Variants in PARN observed in about 807,000 individuals in gnomAD.
PARN encodes the protein poly(A)-specific ribonuclease.
In PARN, 71 loss-of-function variants were observed where a neutral mutation model predicts 102.8. The ratio of observed to expected loss-of-function variants is 0.69; its 90% CI spans 0.57 to 0.84. The LOEUF (loss-of-function observed/expected upper bound fraction) is 0.84, where lower values mean the gene tolerates loss of function less well. Ranked by LOEUF, PARN falls within the 40% of genes least tolerant of loss-of-function variation. The pLI is 0.00. For missense variants in PARN, 782 were observed against 760.9 expected, an observed-to-expected ratio of 1.03 and a Z score of -0.33; for synonymous variants, 261 against 252.9, an observed-to-expected ratio of 1.03 and a Z score of -0.30.
Position 14,599,946 on chromosome 16 carries a change from A to T in PARN, c.798T>A (p.Asp266Glu). 6.3e-7 allele frequency: 1 copy of T among 1,595,814 alleles called. No homozygotes were observed. The highest frequency in any genetic ancestry group is 8.6e-7 in the Non-Finnish European group (1 of 1,167,112). Reference protein sequence around the residue: ...KHAKEQEELNDAVGFSRVIHA... With the variant: ...KHAKEQEELNEAVGFSRVIHA... ...GAATGACTCTAGAAAATCCCACAGC[A>T]TCATTCAGCTCCTCCTAATTAAAAA... Residue 266 changes from aspartate (D) to glutamate (E), a missense_variant, in exon 12 of 24, where the codon GAT (aspartate) becomes GAA (glutamate). Coordinates refer to ENST00000437198, the MANE Select transcript of PARN (RefSeq NM_002582.4).
At chr16:14,443,912 C>A (rs1961072480) in intron 23 of PARN, among the ~76,000 whole-genome samples, 1 of 152,162 alleles carries the variant, frequency 6.6e-6, no homozygotes. Context: ...TTGGGTTGGA[C>A]AGACTTTGTC....
At chr16:14,464,007 T>G (rs1962169531) in intron 22 of PARN, among the ~76,000 whole-genome samples, 1 of 152,020 alleles carries the variant, frequency 6.6e-6, no homozygotes, top group African/African-American at 2.4e-5. Context: ...CTAATTTTTT[T>G]GTGTGTGTAT....
At chr16:14,569,750 A>T (rs1342887896) in intron 18 of PARN, among the ~76,000 whole-genome samples, 1 of 152,170 alleles carries the variant, frequency 6.6e-6, no homozygotes, top group Non-Finnish European at 1.5e-5. Context: ...GACAGATTAG[A>T]GGTAACCAGG....
chr16:14,558,269 C>T (rs1967827902), intron 18 of PARN: 1 of 151,924 alleles, frequency 6.6e-6, no homozygotes, highest in Middle Eastern at 3.1e-3. Flanking sequence ...CCTGTCTCTA[C>T]TAAAAATACA....
chr16:14,462,852 A>G (rs549024231), intron 22 of PARN, among the ~76,000 whole-genome samples: 1 of 152,338 alleles, frequency 6.6e-6, no homozygotes, highest in Admixed American at 6.5e-5. Context: ...GACAAAATAC[A>G]TGAAACAATG....
chr16:14,619,846 C>T (rs1206195612), intron 5 of PARN, among the ~76,000 whole-genome samples: 1 of 151,082 alleles, frequency 6.6e-6, no homozygotes, highest in Non-Finnish European at 1.5e-5. Flanking sequence ...CTGAGGCAGG[C>T]GGATCAAGAG....
At chr16:14,601,497 A>C (rs1970863183) in intron 11 of PARN, among the ~76,000 whole-genome samples, 1 of 152,224 alleles carries the variant, frequency 6.6e-6, no homozygotes. Flanking sequence ...CGGTTTTGCA[A>C]GATGAAGAGA....
intron 21 of PARN, among the ~76,000 whole-genome samples, chr16:14,510,112 T>C (rs2151636421): frequency 6.6e-6 from 1 of 152,306 alleles, no homozygotes; most frequent in East Asian, 1.9e-4. Context: ...CTACTGGGTG[T>C]TGCTGCCAGG....
At chr16:14,554,019 A>T (rs1967495187) in intron 20 of PARN, 46 bp downstream of exon 20, 1 of 1,276,418 alleles carries the variant, frequency 7.8e-7, no homozygotes, top group South Asian at 1.3e-5. Context: ...ACCTATACCA[A>T]ATGAATAGCA....
intron 20 of PARN, among the ~76,000 whole-genome samples, chr16:14,553,554 A>G (rs1455521783): frequency 6.6e-6 from 1 of 152,188 alleles, no homozygotes; most frequent in Non-Finnish European, 1.5e-5. Context: ...TGGGTTTACA[A>G]TCAGAATGGT....
intron 20 of PARN, 107 bp downstream of exon 20, chr16:14,553,958 A>C (rs1371987182): frequency 1.5e-6 from 1 of 684,566 alleles, no homozygotes; most frequent in African/African-American, 1.8e-5. Flanking sequence ...AAAACCTTGA[A>C]TATTAACATT....
intron 21 of PARN, among the ~76,000 whole-genome samples, chr16:14,508,425 A>C (rs1965007888): frequency 6.6e-6 from 1 of 152,130 alleles, no homozygotes; most frequent in South Asian, 2.1e-4. Context: ...TAAAAATAAA[A>C]GATAAAACGT....
At chr16:14,487,711 T>A (rs1222511412) in intron 21 of PARN, among the ~76,000 whole-genome samples, 1 of 152,100 alleles carries the variant, frequency 6.6e-6, no homozygotes, top group Non-Finnish European at 1.5e-5. Flanking sequence ...ACAGTGGTTG[T>A]GAGAGCCTGG....
At chr16:14,562,052 T>C (rs963206839) in intron 18 of PARN, among the ~76,000 whole-genome samples, 17 of 152,122 alleles carry the variant, frequency 1.1e-4, no homozygotes, top group African/African-American at 3.9e-4. Flanking sequence ...CTCGGGAGGC[T>C]GAGGCAGGAG....
chr16:14,583,469 T>C (rs1040548482), intron 16 of PARN, among the ~76,000 whole-genome samples: 7 of 152,222 alleles, frequency 4.6e-5, no homozygotes, highest in African/African-American at 1.7e-4. Context: ...GGTAGCCACC[T>C]AAGTAATATC....
chr16:14,520,478 A>G (rs1213973072), intron 21 of PARN, among the ~76,000 whole-genome samples: 2 of 152,084 alleles, frequency 1.3e-5, no homozygotes, highest in East Asian at 1.9e-4. Flanking sequence ...CTGTAATCTC[A>G]GCACTTTGGG....
intron 21 of PARN, among the ~76,000 whole-genome samples, chr16:14,492,321 A>C (rs1225012023): frequency 6.6e-6 from 1 of 151,930 alleles, no homozygotes. Flanking sequence ...CAGGAAAGGA[A>C]AGGAAATGAA....
chr16:14,625,631 T>C (rs769447954), intron 5 of PARN, among the ~76,000 whole-genome samples: 2 of 152,256 alleles, frequency 1.3e-5, no homozygotes, highest in Non-Finnish European at 2.9e-5. Flanking sequence ...TAGGAAACTG[T>C]CTATAAGACC....
At chr16:14,587,955 G>A (rs143034453) in intron 13 of PARN, among the ~76,000 whole-genome samples, 91 of 152,250 alleles carry the variant, frequency 6.0e-4, no homozygotes, top group East Asian at 1.9e-3. Flanking sequence ...GTTATGTTAC[G>A]CACTTACACA....
Sources: gnomAD v4.1 joint callset for allele counts (sites outside exome capture counted in the v4.1 genomes callset) on GRCh38, gnomAD v4.1.1 for gene constraint, MANE v1.5 for transcripts, NCBI Gene and HGNC (gene_info 2026-07-23, HGNC 2026-07-21) for gene names.